The following PCDHGA6 variants were observed in gnomAD, a reference collection of about 807,000 sequenced individuals.
PCDHGA6 encodes the protein protocadherin gamma-A6.
PCDHGA6 carries 41 observed loss-of-function variants against 60.6 expected under a neutral mutation model. That is an observed-to-expected ratio of 0.68 (90% CI 0.53 to 0.88). The LOEUF (loss-of-function observed/expected upper bound fraction) is 0.88. PCDHGA6 is among the 40% of genes least tolerant of loss of function. The probability of loss-of-function intolerance (pLI) is 0.00; values close to 1 mark genes in which losing one functional copy is unlikely to be tolerated. For missense variants in PCDHGA6, 1,312 were observed against 1,203.0 expected (o/e 1.09, Z -1.34); for synonymous variants, 594 against 524.4 (o/e 1.13, Z -1.81).
chr5:141,478,102 C>T, intron 1 of PCDHGA6: 1 of 1,614,126 alleles, frequency 6.2e-7, no homozygotes, highest in South Asian at 1.1e-5. Flanking sequence ...CTGCTACCCT[C>T]ACTGTGTCAG....
chr5:141,459,939 G>A (rs377668643), intron 1 of PCDHGA6, among the ~76,000 whole-genome samples: 7 of 152,256 alleles, frequency 4.6e-5, no homozygotes, highest in Non-Finnish European at 7.4e-5. Flanking sequence ...GTAGCTGGGC[G>A]TGATGGCAGG....
intron 1 of PCDHGA6, among the ~76,000 whole-genome samples, chr5:141,460,183 CCA>C (rs561755067): frequency 7.2e-5 from 11 of 151,782 alleles, no homozygotes; most frequent in Non-Finnish European, 1.0e-4. Context: ...ATATTTTATC[CCA>C]GACTATGACT....
At chr5:141,498,467 G>C (rs535351060) in intron 2 of PCDHGA6, among the ~76,000 whole-genome samples, 1 of 152,116 alleles carries the variant, frequency 6.6e-6, no homozygotes, top group East Asian at 1.9e-4. Context: ...GTCTAACCCT[G>C]GTTCCAGCCT....
chr5:141,399,495 T>C, intron 1 of PCDHGA6: 1 of 1,614,034 alleles, frequency 6.2e-7, no homozygotes, highest in Non-Finnish European at 8.5e-7. Context: ...ACTTAGTCAG[T>C]GTACCCGAAA....
intron 1 of PCDHGA6, among the ~76,000 whole-genome samples, chr5:141,406,577 A>T (rs558329088): frequency 6.6e-6 from 1 of 152,274 alleles, no homozygotes; most frequent in South Asian, 2.1e-4. Context: ...TAGTAAACCA[A>T]TTTTTTCCCT....
At chr5:141,426,834 A>G (rs1561824131) in intron 1 of PCDHGA6, 1 of 456,724 alleles carries the variant, frequency 2.2e-6, no homozygotes, top group South Asian at 1.5e-5. Flanking sequence ...GATGGACAAG[A>G]CTAAAGGCAA....
At chr5:141,415,264 C>G (rs1342050986) in intron 1 of PCDHGA6, 2 of 1,614,210 alleles carry the variant, frequency 1.2e-6, no homozygotes, top group Non-Finnish European at 1.7e-6. Flanking sequence ...CACTCTGTAC[C>G]TGGTGGTAGC....
At chr5:141,464,729 G>T (rs1412585185) in intron 1 of PCDHGA6, among the ~76,000 whole-genome samples, 1 of 151,948 alleles carries the variant, frequency 6.6e-6, no homozygotes, top group Non-Finnish European at 1.5e-5. Context: ...ATGTTTAAAA[G>T]CCAGTTTATA....
intron 1 of PCDHGA6, chr5:141,393,489 G>C: frequency 6.2e-7 from 1 of 1,614,062 alleles, no homozygotes; most frequent in Non-Finnish European, 8.5e-7. Flanking sequence ...CTCTAGCACA[G>C]TGCGCATCCA....
intron 1 of PCDHGA6, chr5:141,394,616 C>G: frequency 6.2e-7 from 1 of 1,613,490 alleles, no homozygotes; most frequent in Non-Finnish European, 8.5e-7. Flanking sequence ...CGGGCCAGAA[C>G]GCCTGGCTGT....
intron 1 of PCDHGA6, among the ~76,000 whole-genome samples, chr5:141,436,889 G>T (rs1319754318): frequency 6.6e-6 from 1 of 152,208 alleles, no homozygotes; most frequent in Non-Finnish European, 1.5e-5. Flanking sequence ...ATGGGGGAAA[G>T]ATTTTTATAT....
At chr5:141,394,050 G>GA (rs2092909261) in intron 1 of PCDHGA6, 4 of 1,613,594 alleles carry the variant, frequency 2.5e-6, no homozygotes, top group Non-Finnish European at 3.4e-6. Context: ...TTTGGACCGA[G>GA]AAAATGTCTC....
intron 1 of PCDHGA6, chr5:141,414,447 C>A (rs2095748360): frequency 1.2e-6 from 2 of 1,613,848 alleles, no homozygotes; most frequent in East Asian, 2.2e-5. Flanking sequence ...CTTACAATAT[C>A]ACAGTGACAG....
intron 1 of PCDHGA6, chr5:141,468,541 A>G (rs1407685120): frequency 6.6e-6 from 1 of 152,076 alleles, no homozygotes. Context: ...GTTTCCTGAC[A>G]TATTTAACAT....
At chr5:141,388,676 G>A in intron 1 of PCDHGA6, 7 of 1,613,946 alleles carry the variant, frequency 4.3e-6, no homozygotes, top group East Asian at 2.2e-5. Flanking sequence ...TGCTACAGGT[G>A]ACTGCCACGG....
chr5:141,381,354 G>A (rs1163041754), intron 1 of PCDHGA6, among the ~76,000 whole-genome samples: 1 of 152,202 alleles, frequency 6.6e-6, no homozygotes, highest in Non-Finnish European at 1.5e-5. Context: ...CTTTCTGCTA[G>A]CAGAGGGTAG....
At chr5:141,385,389 C>T in intron 1 of PCDHGA6, 2 of 1,506,522 alleles carry the variant, frequency 1.3e-6, no homozygotes, top group Non-Finnish European at 1.8e-6. Flanking sequence ...TATTATTTTG[C>T]AAAACAAATG....
At chr5:141,404,408 A>G in intron 1 of PCDHGA6, 1 of 1,613,900 alleles carries the variant, frequency 6.2e-7, no homozygotes, top group Non-Finnish European at 8.5e-7. Flanking sequence ...TGAGAATTCT[A>G]GAGTTATTTA....
At chr5:141,423,219 T>C (rs775170753) in intron 1 of PCDHGA6, 3 of 1,613,752 alleles carry the variant, frequency 1.9e-6, no homozygotes, top group Admixed American at 1.7e-5. Flanking sequence ...TCACCGTGGC[T>C]GTGGCCGACA....
Sources: allele counts gnomAD v4.1 joint callset (sites outside exome capture counted in the v4.1 genomes callset), GRCh38; gene constraint gnomAD v4.1.1; transcripts MANE v1.5; gene names NCBI Gene and HGNC (gene_info 2026-07-23, HGNC 2026-07-21).